Variants in CNTNAP2 observed in about 807,000 individuals in gnomAD.
The protein encoded by CNTNAP2 is contactin-associated protein-like 2.
A neutral mutation model predicts 155.2 loss-of-function variants in CNTNAP2; 98 were observed. The observed-to-expected ratio is 0.63, with a 90% CI of 0.54 to 0.75. CNTNAP2 has a LOEUF of 0.75. Ranked by LOEUF, CNTNAP2 falls within the 30% of genes least tolerant of loss-of-function variation. The pLI is 0.00. For synonymous variants in CNTNAP2, 651 were observed against 631.2 expected (o/e 1.03, Z -0.47); for missense variants, 1,727 against 1,688.1 (o/e 1.02, Z -0.40).
At chr7:146,590,356 AT>A (rs1300925885) in intron 1 of CNTNAP2, among the ~76,000 whole-genome samples, 1 of 152,108 alleles carries the variant, frequency 6.6e-6, no homozygotes, top group Non-Finnish European at 1.5e-5. Context: ...ATCAGTGAGA[AT>A]TTTTTTGATG....
rs992787420 is a variant in CNTNAP2, at chr7:147,091,095, T to C, written c.551-17052T>C. On this transcript the variant is annotated intron_variant, in intron 4 of 23. Transcript: ENST00000361727. ...TTCTCATGACCCAAGAAGTATGTAGTTGAATCAATAGCATCATGAACGCCC... is the reference window on the plus strand; with the variant it reads ...TTCTCATGACCCAAGAAGTATGTAGCTGAATCAATAGCATCATGAACGCCC... Among the ~76,000 whole-genome samples the C allele has an allele frequency of 4.6e-5, 7 of 152,162 alleles. No individual in the cohort carries two copies. The East Asian group carries it at 1.4e-3, about 30-fold the overall frequency.
intron 14 of CNTNAP2, among the ~76,000 whole-genome samples, chr7:147,966,008 A>G (rs1801203159): frequency 6.6e-6 from 1 of 152,154 alleles, no homozygotes; most frequent in Admixed American, 6.6e-5. Flanking sequence ...TCCACCTTCA[A>G]ATCAGTCTTT....
chr7:146,517,014 T>C (rs1400941881), intron 1 of CNTNAP2, among the ~76,000 whole-genome samples: 1 of 151,976 alleles, frequency 6.6e-6, no homozygotes, highest in Non-Finnish European at 1.5e-5. Context: ...AGTTCAAATA[T>C]ATTAAATGGA....
intron 8 of CNTNAP2, chr7:147,146,304 C>A (rs1256637261): frequency 1.3e-5 from 2 of 154,944 alleles, no homozygotes; most frequent in Non-Finnish European, 2.9e-5. Flanking sequence ...CCATCATTTG[C>A]CCCAGCAAGC....
intron 16 of CNTNAP2, among the ~76,000 whole-genome samples, chr7:148,142,335 C>G (rs1805091672): frequency 6.6e-6 from 1 of 151,952 alleles, no homozygotes; most frequent in East Asian, 1.9e-4. Context: ...TTCTCATGAC[C>G]CTTTCGTGTT....
intron 11 of CNTNAP2, among the ~76,000 whole-genome samples, chr7:147,509,118 T>C (rs1360925908): frequency 1.3e-5 from 2 of 152,194 alleles, no homozygotes; most frequent in Non-Finnish European, 2.9e-5. Flanking sequence ...TTGTATGGAA[T>C]GCAAACTCCC....
At chr7:148,413,448 T>TATATATATATA (rs1563079571) in intron 23 of CNTNAP2, among the ~76,000 whole-genome samples, 1 of 101,472 alleles carries the variant, frequency 9.9e-6, no homozygotes, top group African/African-American at 4.3e-5. Flanking sequence ...ATATATATAT[T>TATATATATATA]GCTCCATAGT....
chr7:147,107,293 T>A (rs2129279320), intron 4 of CNTNAP2, among the ~76,000 whole-genome samples: 1 of 152,244 alleles, frequency 6.6e-6, no homozygotes, highest in Non-Finnish European at 1.5e-5. Flanking sequence ...TGGTGTGAAA[T>A]AAATAGTAGT....
At chr7:147,794,531 G>A (rs751455036) in intron 13 of CNTNAP2, among the ~76,000 whole-genome samples, 1 of 151,670 alleles carries the variant, frequency 6.6e-6, no homozygotes, top group Non-Finnish European at 1.5e-5. Context: ...ATATTCCTGG[G>A]TTTGATTTGC....
chr7:147,234,334 C>CTTTTTTTT (rs1225048153), intron 8 of CNTNAP2, among the ~76,000 whole-genome samples: 7 of 107,552 alleles, frequency 6.5e-5, no homozygotes, highest in Admixed American at 1.2e-4. Flanking sequence ...CAAGAGTATT[C>CTTTTTTTT]TTTTTTTTTT....
chr7:146,215,914 A>G (rs1299577408), intron 1 of CNTNAP2, among the ~76,000 whole-genome samples: 1 of 152,158 alleles, frequency 6.6e-6, no homozygotes, highest in Admixed American at 6.6e-5. Context: ...AGTTCTTCTT[A>G]AAGCAGATTC....
intron 15 of CNTNAP2, among the ~76,000 whole-genome samples, chr7:148,104,109 GTCTC>G (rs1175125738): frequency 6.6e-6 from 1 of 151,994 alleles, no homozygotes; most frequent in African/African-American, 2.4e-5. Context: ...TCATTTCCTC[GTCTC>G]TCTTTCTTTG....
intron 1 of CNTNAP2, among the ~76,000 whole-genome samples, chr7:146,567,785 A>T (rs1235355262): frequency 1.3e-5 from 2 of 152,038 alleles, no homozygotes; most frequent in Non-Finnish European, 2.9e-5. Flanking sequence ...CAGTGGCGCG[A>T]TCTCGGCTCA....
Position 146,932,992 on chromosome 7 carries a change from C to T in CNTNAP2, c.402+93088C>T, listed in dbSNP as rs556017398. Among the ~76,000 whole-genome samples, 530 of 152,174 alleles carry T rather than the reference C, an allele frequency of 3.5e-3. 7 individuals are homozygous for T. The highest frequency in any genetic ancestry group is 0.012 in the African/African-American group (479 of 41,502). ...GCTCATGGGTAGGAAGAATCAATAT[C>T]GTGAAAATGGCCATACTGCCCAAGG... On this transcript the variant is annotated intron_variant, in intron 3 of 23. Transcript: ENST00000361727.
intron 15 of CNTNAP2, among the ~76,000 whole-genome samples, chr7:148,016,374 C>G (rs1211616485): frequency 6.6e-6 from 1 of 152,182 alleles, no homozygotes. Flanking sequence ...CCACATGTGC[C>G]TTCTCCTACT....
At chr7:147,742,849 C>T (rs965566945) in intron 13 of CNTNAP2, among the ~76,000 whole-genome samples, 1 of 152,144 alleles carries the variant, frequency 6.6e-6, no homozygotes, top group African/African-American at 2.4e-5. Flanking sequence ...CTCTAATAGG[C>T]TTTAATACAA....
chr7:148,298,873 A>AT lies in CNTNAP2; in HGVS notation c.3475+31753dup, dbSNP rs571980770. Among the ~76,000 whole-genome samples, 319 of 150,974 alleles carry AT rather than the reference A, an allele frequency of 2.1e-3. 1 individual carries two copies. The highest frequency in any genetic ancestry group is 7.2e-3 in the African/African-American group (296 of 41,088). On this transcript the variant is annotated intron_variant, in intron 21 of 23. Transcript: ENST00000361727. ...ACCACTACACCTTGCTAATTTTTGT[A>AT]TTTTTTGTAAAGATGGGGTCTCACT...
intron 13 of CNTNAP2, among the ~76,000 whole-genome samples, chr7:147,826,645 C>A (rs1798455266): frequency 6.6e-6 from 1 of 152,096 alleles, no homozygotes; most frequent in African/African-American, 2.4e-5. Flanking sequence ...TCAGAGATAT[C>A]AAAGAGACTT....
Position 147,011,418 on chromosome 7 carries a change from C to CAAA in CNTNAP2, c.403-32465_403-32463dup, listed in dbSNP as rs759844476. Among the ~76,000 whole-genome samples the CAAA allele has an allele frequency of 3.5e-3, 46 of 13,248 alleles. 5 individuals carry two copies. The highest frequency in any genetic ancestry group is 7.5e-3 in the African/African-American group (38 of 5,082). 8.7% of individuals were successfully genotyped at this position (13,248 alleles called of 152,430 possible). Reference sequence around the variant, plus strand: ...TGGACAACTGAATGACACTCCATCTCAAAAAAAAAAAAAAAAAAAAAAAAA... The same window carrying CAAA: ...TGGACAACTGAATGACACTCCATCTCAAAAAAAAAAAAAAAAAAAAAAAAAAAA... On this transcript the variant is annotated intron_variant, in intron 3 of 23. Transcript: ENST00000361727.
Sources: gnomAD v4.1 joint callset for allele counts (sites outside exome capture counted in the v4.1 genomes callset) on GRCh38, gnomAD v4.1.1 for gene constraint, MANE v1.5 for transcripts, NCBI Gene and HGNC (gene_info 2026-07-23, HGNC 2026-07-21) for gene names.